Variants in PAPSS2 observed in about 807,000 individuals in gnomAD.
The protein encoded by PAPSS2 is 3'-phosphoadenosine 5'-phosphosulfate synthase 2.
A neutral mutation model predicts 66.5 loss-of-function variants in PAPSS2; 61 were observed. The ratio of observed to expected loss-of-function variants is 0.92; its 90% CI spans 0.75 to 1.14. The LOEUF (loss-of-function observed/expected upper bound fraction) is 1.14. Ranked by LOEUF, PAPSS2 falls within the 50% of genes most tolerant of loss-of-function variation. The pLI, the probability that PAPSS2 is intolerant of heterozygous loss-of-function variation, is 0.00. For missense variants in PAPSS2, 708 were observed against 789.6 expected, an observed-to-expected ratio of 0.90 and a Z score of 1.24; for synonymous variants, 289 against 287.5, an observed-to-expected ratio of 1.01 and a Z score of -0.05.
intron 9 of PAPSS2, among the ~76,000 whole-genome samples, chr10:87,739,165 A>G (rs918106621): frequency 3.3e-5 from 5 of 152,116 alleles, no homozygotes; most frequent in African/African-American, 9.7e-5. Context: ...TGTTTCATCC[A>G]TTTTGAGTTA....
intron 9 of PAPSS2, among the ~76,000 whole-genome samples, chr10:87,736,476 C>T (rs1170979317): frequency 6.6e-6 from 1 of 151,960 alleles, no homozygotes; most frequent in African/African-American, 2.4e-5. Flanking sequence ...CCATATTGGC[C>T]AGGCTGGTCT....
intron 8 of PAPSS2, among the ~76,000 whole-genome samples, chr10:87,723,744 G>A (rs190865249): frequency 6.6e-6 from 1 of 152,302 alleles, no homozygotes; most frequent in East Asian, 1.9e-4. Context: ...AAGGTGCAAA[G>A]TGATATGCCT....
At chr10:87,733,349 C>T (rs1283510146) in intron 9 of PAPSS2, among the ~76,000 whole-genome samples, 1 of 152,190 alleles carries the variant, frequency 6.6e-6, no homozygotes, top group East Asian at 1.9e-4. Flanking sequence ...GCAGGTGAAA[C>T]TTGTAAAACT....
At chr10:87,743,784 TTAATTA>T in intron 11 of PAPSS2, 143 bp downstream of exon 11, 1 of 997,296 alleles carries the variant, frequency 1.0e-6, no homozygotes, top group South Asian at 1.4e-5. Context: ...TTTATCTAGC[TTAATTA>T]TGTTTCCACT....
chr10:87,704,694 T>G (rs921589706), intron 1 of PAPSS2, among the ~76,000 whole-genome samples: 6 of 152,198 alleles, frequency 3.9e-5, no homozygotes, highest in Non-Finnish European at 7.3e-5. Flanking sequence ...CAGGATGGAG[T>G]GCAGTCACAC....
At position 87,702,840 on chromosome 10, in the gene PAPSS2, C is replaced by T. The variant is rs557351368; in HGVS notation, c.28-6356C>T. ...CTCCTCCCTTCCATGACACTCCTCC[C>T]TGGGACACATGCTTGGATTTGGCTC... On this transcript the variant is annotated intron_variant, in intron 1 of 12. Coordinates refer to ENST00000456849, the MANE Select transcript of PAPSS2 (RefSeq NM_001015880.2). Among the ~76,000 whole-genome samples the T allele has an allele frequency of 4.6e-5, 7 of 152,286 alleles. No homozygotes were observed. The East Asian group carries it at 1.2e-3, about 25-fold the overall frequency.
At chr10:87,662,579 A>T (rs1474383127) in intron 1 of PAPSS2, among the ~76,000 whole-genome samples, 3 of 116,162 alleles carry the variant, frequency 2.6e-5, no homozygotes, top group Non-Finnish European at 5.0e-5. Context: ...CTATACACAC[A>T]CATAGACACC....
chr10:87,663,172 A>C (rs1852774427), intron 1 of PAPSS2, among the ~76,000 whole-genome samples: 1 of 140,074 alleles, frequency 7.1e-6, no homozygotes, highest in Admixed American at 7.3e-5. Flanking sequence ...AGTGCAGAGA[A>C]GCGATCTCGT....
intron 1 of PAPSS2, among the ~76,000 whole-genome samples, chr10:87,684,489 A>AACT (rs1853063399): frequency 6.6e-6 from 1 of 152,186 alleles, no homozygotes; most frequent in Non-Finnish European, 1.5e-5. Context: ...CCAACACAGG[A>AACT]TGTCTGCCGT....
At chr10:87,738,359 A>G (rs1026399837) in intron 9 of PAPSS2, among the ~76,000 whole-genome samples, 1 of 151,200 alleles carries the variant, frequency 6.6e-6, no homozygotes, top group Admixed American at 6.6e-5. Context: ...TCCAATTTTT[A>G]TTTTTCTACA....
In PAPSS2 at chr10:87,745,037, T is replaced by G; in HGVS notation, c.1527T>G (p.Gly509=). The G allele has an allele frequency of 6.2e-7, 1 of 1,614,060 alleles. No individual in the cohort carries two copies. The highest frequency in any genetic ancestry group is 1.3e-5 in the African/African-American group (1 of 75,022). The change falls in exon 12 of 13, where the codon GGT becomes GGG. Residue 509 remains glycine (G), a synonymous_variant. Coordinates refer to ENST00000456849, the MANE Select transcript of PAPSS2 (RefSeq NM_001015880.2). ...QWHCRSRMIA[G]ANFYIVGRDP... is the part of the protein sequence containing the mutation. Reference sequence around the variant, plus strand: ...ACTGCAGGTCCCGGATGATTGCGGGTGCCAATTTCTACATTGTGGGGAGGG... The same window carrying G: ...ACTGCAGGTCCCGGATGATTGCGGGGGCCAATTTCTACATTGTGGGGAGGG...
At chr10:87,727,257 T>C (rs1476183623) in intron 8 of PAPSS2, 27 bp from the exon 9 acceptor site, 1 of 1,594,456 alleles carries the variant, frequency 6.3e-7, no homozygotes, top group Admixed American at 1.7e-5. Flanking sequence ...TATCTAGTTT[T>C]CGTGCATCAC....
At chr10:87,703,978 C>A (rs1197918013) in intron 1 of PAPSS2, 14 of 487,086 alleles carry the variant, frequency 2.9e-5, no homozygotes, top group Non-Finnish European at 5.3e-5. Context: ...CAGTCACTTT[C>A]TTTCCAAAGC....
intron 9 of PAPSS2, among the ~76,000 whole-genome samples, chr10:87,729,953 G>A (rs879359936): frequency 3.9e-5 from 6 of 151,972 alleles, no homozygotes; most frequent in Admixed American, 6.6e-5. Flanking sequence ...CCGAGGTAGC[G>A]CCATTGCACT....
At chr10:87,738,034 A>G (rs960042664) in intron 9 of PAPSS2, among the ~76,000 whole-genome samples, 1 of 152,200 alleles carries the variant, frequency 6.6e-6, no homozygotes, top group African/African-American at 2.4e-5. Flanking sequence ...CAGCCATGTT[A>G]TAGCATGTGA....
At chr10:87,728,477 C>T (rs924700217) in intron 9 of PAPSS2, among the ~76,000 whole-genome samples, 4 of 152,140 alleles carry the variant, frequency 2.6e-5, no homozygotes, top group African/African-American at 4.8e-5. Flanking sequence ...CGGTGGCTCA[C>T]GCCTGTAATC....
chr10:87,741,694 C>A (rs1032841572), intron 10 of PAPSS2, among the ~76,000 whole-genome samples: 5 of 151,688 alleles, frequency 3.3e-5, no homozygotes, highest in African/African-American at 1.2e-4. Context: ...TGCACCCGGC[C>A]CCTAGTACAT....
At chr10:87,678,772 C>CA (rs973921547) in intron 1 of PAPSS2, among the ~76,000 whole-genome samples, 27 of 149,088 alleles carry the variant, frequency 1.8e-4, no homozygotes, top group Admixed American at 1.5e-3. Context: ...TGTAAAAAGA[C>CA]AAAAAAAAAG....
intron 1 of PAPSS2, among the ~76,000 whole-genome samples, chr10:87,694,064 T>A (rs772272078): frequency 8.5e-5 from 13 of 152,236 alleles, no homozygotes; most frequent in Non-Finnish European, 1.8e-4. Context: ...AAATATGTAA[T>A]GAATACCTAC....
Sources: allele counts gnomAD v4.1 joint callset (sites outside exome capture counted in the v4.1 genomes callset), GRCh38; gene constraint gnomAD v4.1.1; transcripts MANE v1.5; gene names NCBI Gene and HGNC (gene_info 2026-07-23, HGNC 2026-07-21).